The following ADAMTSL3 variants were observed in gnomAD, a reference collection of about 807,000 sequenced individuals.
ADAMTSL3 encodes the protein ADAMTS-like protein 3.
In ADAMTSL3, 128 loss-of-function variants were observed where a neutral mutation model predicts 201.7. That is an observed-to-expected ratio of 0.63 (90% CI 0.55 to 0.73). The LOEUF (loss-of-function observed/expected upper bound fraction) is 0.73, where lower values mean the gene tolerates loss of function less well. ADAMTSL3 is among the 30% of genes least tolerant of loss of function. The pLI is 0.00. For synonymous variants in ADAMTSL3, 738 were observed against 748.4 expected (o/e 0.99, Z 0.23); for missense variants, 1,990 against 2,119.6 (o/e 0.94, Z 1.20).
At chr15:83,996,720 G>A (rs1227683261) in intron 23 of ADAMTSL3, among the ~76,000 whole-genome samples, 1 of 138,730 alleles carries the variant, frequency 7.2e-6, no homozygotes. Context: ...GGCGGAGGTT[G>A]CAGTGAGCAG....
intron 3 of ADAMTSL3, among the ~76,000 whole-genome samples, chr15:83,771,595 C>T (rs1183435591): frequency 6.6e-6 from 1 of 152,162 alleles, no homozygotes; most frequent in Non-Finnish European, 1.5e-5. Context: ...AAGATTCATC[C>T]ATATTGTGGC....
chr15:83,898,400 A>G (rs1232616613), intron 14 of ADAMTSL3, among the ~76,000 whole-genome samples: 1 of 152,202 alleles, frequency 6.6e-6, no homozygotes, highest in African/African-American at 2.4e-5. Context: ...GAAGTAGAGG[A>G]GGAGGAGGAA....
intron 19 of ADAMTSL3, among the ~76,000 whole-genome samples, chr15:83,960,207 T>A (rs1237412263): frequency 6.6e-6 from 1 of 152,174 alleles, no homozygotes; most frequent in Non-Finnish European, 1.5e-5. Context: ...AAGGCATTTT[T>A]AAAAATTCCA....
In ADAMTSL3 at chr15:83,672,027, A is replaced by G. The variant is rs78769972; in HGVS notation, c.69+16197A>G. 8.6e-3 allele frequency among the ~76,000 whole-genome samples: 1,308 copies of G among 152,318 alleles called. 18 individuals carry two copies. Among genetic ancestry groups the G allele is most frequent in the African/African-American group, 0.03 (1,250 of 41,568 alleles). Reference sequence around the variant, plus strand: ...TTTATTACTAAGTTGTACCATTAGTAGCCTGGGAGAGTGTCTTGCGACCTA... The same window carrying G: ...TTTATTACTAAGTTGTACCATTAGTGGCCTGGGAGAGTGTCTTGCGACCTA... On this transcript the variant is annotated intron_variant, in intron 2 of 29. Coordinates refer to ENST00000286744, the MANE Select transcript of ADAMTSL3 (RefSeq NM_207517.3).
chr15:83,910,424 A>T (rs993031700), intron 15 of ADAMTSL3, among the ~76,000 whole-genome samples: 1 of 149,934 alleles, frequency 6.7e-6, no homozygotes, highest in African/African-American at 2.4e-5. Flanking sequence ...GAAGGAAATC[A>T]TGCTGGATTC....
chr15:83,987,669 T>A (rs1457365887), intron 21 of ADAMTSL3, among the ~76,000 whole-genome samples: 1 of 152,102 alleles, frequency 6.6e-6, no homozygotes, highest in Non-Finnish European at 1.5e-5. Flanking sequence ...GTGAACAACA[T>A]ATGCAAAAGC....
At chr15:84,003,827 T>C (rs2067844379) in intron 23 of ADAMTSL3, among the ~76,000 whole-genome samples, 2 of 152,092 alleles carry the variant, frequency 1.3e-5, no homozygotes, top group Non-Finnish European at 2.9e-5. Context: ...CAGGGAACCG[T>C]CAGAAGCCCC....
chr15:83,663,561 C>G (rs556672138), intron 2 of ADAMTSL3, among the ~76,000 whole-genome samples: 1 of 152,312 alleles, frequency 6.6e-6, no homozygotes, highest in African/African-American at 2.4e-5. Flanking sequence ...GTGTACTGTG[C>G]TTTGCTACAC....
chr15:83,659,603 G>T (rs2061136182), intron 2 of ADAMTSL3, among the ~76,000 whole-genome samples: 1 of 152,112 alleles, frequency 6.6e-6, no homozygotes, highest in African/African-American at 2.4e-5. Flanking sequence ...TGGGATATGT[G>T]GTAGGTTGCC....
At chr15:83,952,336 GT>G (rs1195883975) in intron 19 of ADAMTSL3, among the ~76,000 whole-genome samples, 1 of 152,112 alleles carries the variant, frequency 6.6e-6, no homozygotes, top group Non-Finnish European at 1.5e-5. Context: ...TGTCATTTCA[GT>G]TTTTTGAGTG....
At chr15:83,763,361 A>G (rs1043319770) in intron 3 of ADAMTSL3, among the ~76,000 whole-genome samples, 3 of 151,908 alleles carry the variant, frequency 2.0e-5, no homozygotes, top group African/African-American at 2.4e-5. Flanking sequence ...AATTATTGCC[A>G]TGCTGTGATG....
chr15:83,654,979 C>T lies in ADAMTSL3; in HGVS notation c.-34+703C>T, dbSNP rs576459821. On this transcript the variant is annotated intron_variant, in intron 1 of 29. Coordinates refer to ENST00000286744, the MANE Select transcript of ADAMTSL3 (RefSeq NM_207517.3). This position sits in a 1 kb window ranked among gnomAD's most constrained non-coding sequence, Gnocchi z 5.3. ...CAGCTCCGCCAAGGCGCCCGCGAGG[C>T]GAAGCGGGAGTCGAGTGTGACCTCG... 7.9e-5 allele frequency among the ~76,000 whole-genome samples: 12 copies of T among 151,630 alleles called. No individual in the cohort carries two copies. The highest frequency in any genetic ancestry group is 2.4e-4 in the African/African-American group (10 of 41,544).
At chr15:83,659,394 A>G (rs1311858083) in intron 2 of ADAMTSL3, among the ~76,000 whole-genome samples, 1 of 152,224 alleles carries the variant, frequency 6.6e-6, no homozygotes, top group Non-Finnish European at 1.5e-5. Flanking sequence ...TTGTTGGTGC[A>G]TAAGTATAGG....
chr15:83,672,896 C>T (rs1431597645), intron 2 of ADAMTSL3, among the ~76,000 whole-genome samples: 1 of 152,194 alleles, frequency 6.6e-6, no homozygotes, highest in Non-Finnish European at 1.5e-5. Context: ...TGGAGGTAGA[C>T]CGGTGGCTTT....
chr15:83,881,769 C>A (rs1414785194), intron 9 of ADAMTSL3, among the ~76,000 whole-genome samples: 1 of 152,030 alleles, frequency 6.6e-6, no homozygotes, highest in Non-Finnish European at 1.5e-5. Context: ...GCAAGAGAAT[C>A]CCTTGAACCT....
At chr15:84,034,547 G>A (rs1233772640) in intron 28 of ADAMTSL3, among the ~76,000 whole-genome samples, 2 of 152,166 alleles carry the variant, frequency 1.3e-5, no homozygotes, top group Non-Finnish European at 2.9e-5. Flanking sequence ...GAATGCTGAG[G>A]ACACAGAAAG....
rs369239440 is a variant in ADAMTSL3 at position 83,870,974 on chromosome 15, T to C, written c.960+15T>C. Reference sequence around the variant, plus strand: ...TCATCTTCAAGGTAGGATGATCCTCTTCATAAACTTCATGTACCTGAATCC... The same window carrying C: ...TCATCTTCAAGGTAGGATGATCCTCCTCATAAACTTCATGTACCTGAATCC... On this transcript the variant is annotated intron_variant, in intron 9 of 29. Transcript: ENST00000286744. 1.2e-6 allele frequency: 2 copies of C among 1,607,260 alleles called. No homozygotes were observed. Among genetic ancestry groups the C allele is most frequent in the East Asian group, 2.2e-5 (1 of 44,838 alleles).
intron 10 of ADAMTSL3, among the ~76,000 whole-genome samples, chr15:83,887,791 A>G (rs144444631): frequency 6.6e-6 from 1 of 152,050 alleles, no homozygotes; most frequent in Non-Finnish European, 1.5e-5. Context: ...GCATCTCACT[A>G]TGTTGCCCAG....
intron 2 of ADAMTSL3, among the ~76,000 whole-genome samples, chr15:83,691,149 C>A (rs2061603205): frequency 6.6e-6 from 1 of 152,176 alleles, no homozygotes; most frequent in East Asian, 1.9e-4. Flanking sequence ...ATTCTCATGA[C>A]AAAGGATACC....
Sources: gnomAD v4.1 joint callset for allele counts (sites outside exome capture counted in the v4.1 genomes callset) on GRCh38, gnomAD v4.1.1 for gene constraint, Gnocchi (gnomAD v3.1) non-coding constraint, MANE v1.5 for transcripts, NCBI Gene and HGNC (gene_info 2026-07-23, HGNC 2026-07-21) for gene names.